Variants in QSOX1 observed in about 807,000 individuals in gnomAD.
QSOX1 encodes sulfhydryl oxidase 1.
A neutral mutation model predicts 76.1 loss-of-function variants in QSOX1; 40 were observed. The ratio of observed to expected loss-of-function variants is 0.53; its 90% CI spans 0.41 to 0.68. QSOX1 has a LOEUF of 0.68. QSOX1 is among the 30% of genes least tolerant of loss of function. The pLI is 0.00. For synonymous variants in QSOX1, 392 were observed against 413.1 expected (o/e 0.95, Z 0.62); for missense variants, 931 against 974.3 (o/e 0.96, Z 0.59).
In QSOX1 at chr1:180,194,381, C is replaced by T; in HGVS notation, c.1457C>T (p.Ala486Val). ...WLWSSHNRVNARLAGAPSEDP... is the reference protein window; with the variant it reads ...WLWSSHNRVNVRLAGAPSEDP... The stretch of plus-strand genomic sequence containing the variant: ...TGGTCTAGCCACAACAGGGTCAATG[C>T]TCGCCTTGCAGGTAAGGAAGGACCA... The change falls in exon 11 of 12, where the codon GCT becomes GTT. Residue 486 changes from alanine to valine, a missense_variant. Transcript: ENST00000367602. 1 of 1,552,460 alleles carries T rather than the reference C, an allele frequency of 6.4e-7. No homozygotes were observed. Among genetic ancestry groups the T allele is most frequent in the Non-Finnish European group, 8.8e-7 (1 of 1,141,766 alleles).
Position 180,166,496 on chromosome 1 carries a change from A to C in QSOX1, c.271A>C (p.Arg91=). ...TGGGTTTTTTGTCCTTTCAGCCTGG[A>C]GGCCGGCCCTGTATCTCGCCGCCCT... ...KALAEDVKAW[R]PALYLAALDC... is the part of the protein sequence containing the mutation. Residue 91 remains arginine, a synonymous_variant, in exon 2 of 12, where the codon AGG becomes CGG. Coordinates refer to ENST00000367602, the MANE Select transcript of QSOX1 (RefSeq NM_002826.5). 1 of 1,613,826 alleles carries C rather than the reference A, an allele frequency of 6.2e-7. No homozygotes were observed. Among genetic ancestry groups the C allele is most frequent in the Non-Finnish European group, 8.5e-7 (1 of 1,179,912 alleles).
intron 4 of QSOX1, among the ~76,000 whole-genome samples, chr1:180,177,807 A>G (rs1457944441): frequency 6.6e-6 from 1 of 152,170 alleles, no homozygotes; most frequent in Non-Finnish European, 1.5e-5. Context: ...CCTGTCTAGC[A>G]TATCCATTTG....
chr1:180,179,669 C>T (rs764877955), intron 5 of QSOX1, among the ~76,000 whole-genome samples: 16 of 152,334 alleles, frequency 1.1e-4, no homozygotes, highest in Middle Eastern at 6.8e-3. Flanking sequence ...TGCCAGTGCA[C>T]GGGAGATACT....
chr1:180,194,162 TG>T, intron 10 of QSOX1, 50 bp from the exon 11 acceptor site: 1 of 1,543,628 alleles, frequency 6.5e-7, no homozygotes, highest in Admixed American at 1.8e-5. Flanking sequence ...GCAACGGCTG[TG>T]GGGCTGGCAG....
At chr1:180,193,441 G>C (rs1180920833) in intron 10 of QSOX1, among the ~76,000 whole-genome samples, 1 of 151,824 alleles carries the variant, frequency 6.6e-6, no homozygotes, top group East Asian at 2.0e-4. Flanking sequence ...AGTGAGGAGA[G>C]TAGGGTGCCA....
At chr1:180,161,791 G>A (rs1166621257) in intron 1 of QSOX1, among the ~76,000 whole-genome samples, 1 of 152,138 alleles carries the variant, frequency 6.6e-6, no homozygotes, top group Non-Finnish European at 1.5e-5. Context: ...ATTAATTCTT[G>A]TTGTGCTTGA....
At chr1:180,155,383 C>T (rs1056822053) in intron 1 of QSOX1, among the ~76,000 whole-genome samples, 10 of 152,126 alleles carry the variant, frequency 6.6e-5, no homozygotes, top group Admixed American at 2.0e-4. Flanking sequence ...GGCCCTCATC[C>T]CGAGCTTCTT....
intron 5 of QSOX1, among the ~76,000 whole-genome samples, chr1:180,179,195 G>A (rs562694123): frequency 7.0e-4 from 107 of 152,348 alleles, no homozygotes; most frequent in African/African-American, 2.5e-3. Flanking sequence ...CAAATAGCAT[G>A]CCCAAGATCA....
intron 2 of QSOX1, among the ~76,000 whole-genome samples, chr1:180,174,689 A>G (rs1012394757): frequency 6.6e-6 from 1 of 152,192 alleles, no homozygotes; most frequent in Non-Finnish European, 1.5e-5. Context: ...TTGGTTAGTA[A>G]TTACATGCTA....
rs939181012 is a variant in QSOX1 at position 180,201,418 on chromosome 1, G to T, written c.*4381G>T. 8 of 152,386 alleles carry T rather than the reference G, an allele frequency of 5.2e-5. No individual in the cohort carries two copies. Among genetic ancestry groups the T allele is most frequent in the African/African-American group, 1.9e-4 (8 of 41,432 alleles). 9.4% of individuals were successfully genotyped at this position (152,386 alleles called of 1,614,324 possible). A position where few individuals can be genotyped will look rare whatever the true frequency, so the allele number is the denominator to read the frequency against. On this transcript the variant is annotated 3_prime_UTR_variant, in exon 12 of 12. Transcript: ENST00000367602. ...CCTCAGGTGCCAAGGAAGCTCCAGG[G>T]TGGGCCCAGTATCCTTCCACAGCAT...
intron 1 of QSOX1, among the ~76,000 whole-genome samples, chr1:180,159,441 T>C (rs948000902): frequency 3.3e-5 from 5 of 152,234 alleles, no homozygotes; most frequent in Non-Finnish European, 5.9e-5. Flanking sequence ...CTGTTACTTG[T>C]CAAAAGACAA....
At chr1:180,170,877 T>C (rs1382332406) in intron 2 of QSOX1, among the ~76,000 whole-genome samples, 1 of 152,160 alleles carries the variant, frequency 6.6e-6, no homozygotes, top group East Asian at 1.9e-4. Flanking sequence ...CAGAGATAAA[T>C]AAAATGTCGT....
intron 8 of QSOX1, among the ~76,000 whole-genome samples, chr1:180,188,953 G>A (rs1663240162): frequency 6.6e-6 from 1 of 152,250 alleles, no homozygotes; most frequent in South Asian, 2.1e-4. Context: ...TCGGATTTGA[G>A]TTGACTTATT....
At chr1:180,167,419 T>C (rs1662655903) in intron 2 of QSOX1, among the ~76,000 whole-genome samples, 1 of 152,242 alleles carries the variant, frequency 6.6e-6, no homozygotes, top group Non-Finnish European at 1.5e-5. Context: ...CTTTGAAAGC[T>C]GAAATGCCAA....
intron 2 of QSOX1, among the ~76,000 whole-genome samples, chr1:180,167,313 C>G (rs1456784130): frequency 6.6e-6 from 1 of 152,228 alleles, no homozygotes; most frequent in Non-Finnish European, 1.5e-5. Context: ...ATCTCTGTCT[C>G]TGTAGCACCA....
intron 8 of QSOX1, among the ~76,000 whole-genome samples, chr1:180,187,066 C>A (rs1458645622): frequency 2.6e-5 from 4 of 152,212 alleles, no homozygotes; most frequent in Non-Finnish European, 5.9e-5. Flanking sequence ...AGCCCACCCT[C>A]CTCAGTGTGG....
chr1:180,169,290 C>T (rs916796965), intron 2 of QSOX1, among the ~76,000 whole-genome samples: 5 of 152,198 alleles, frequency 3.3e-5, no homozygotes, highest in African/African-American at 1.2e-4. Context: ...CAGGAGTGCC[C>T]TTCAGTGGGA....
chr1:180,180,355 C>T (rs1662999913), intron 5 of QSOX1, among the ~76,000 whole-genome samples: 1 of 152,130 alleles, frequency 6.6e-6, no homozygotes, highest in South Asian at 2.1e-4. Flanking sequence ...GGATTACAGG[C>T]ATGCACCACC....
rs1344734871 is a variant in QSOX1, at chr1:180,198,154, C to T, written c.*1117C>T. 8.8e-6 allele frequency: 4 copies of T among 456,464 alleles called. No homozygotes were observed. Among genetic ancestry groups the T allele is most frequent in the Admixed American group, 4.7e-5 (2 of 42,564 alleles). The allele number at this position is 456,464 out of a possible 1,614,324, so 28.3% of individuals were successfully genotyped here. ...TCGATGTCCCTCAGCACACACAGCTCCTGGCCACAGACTGCCCATAGAACT... is the reference window on the plus strand; with the variant it reads ...TCGATGTCCCTCAGCACACACAGCTTCTGGCCACAGACTGCCCATAGAACT... On this transcript the variant is annotated 3_prime_UTR_variant, in exon 12 of 12. Transcript: ENST00000367602.
Sources: allele counts gnomAD v4.1 joint callset (sites outside exome capture counted in the v4.1 genomes callset), GRCh38; gene constraint gnomAD v4.1.1; transcripts MANE v1.5; gene names NCBI Gene and HGNC (gene_info 2026-07-23, HGNC 2026-07-21).